Variants in SSBP2 observed in about 807,000 individuals in gnomAD.
SSBP2 encodes the protein single-stranded DNA-binding protein 2.
SSBP2 carries 17 observed loss-of-function variants against 61.8 expected under a neutral mutation model. That is an observed-to-expected ratio of 0.28 (90% CI 0.19 to 0.41). The LOEUF is 0.41. Among genes scored for constraint, SSBP2 ranks in the 10% least tolerant of loss-of-function variants. The pLI, the probability that SSBP2 is intolerant of heterozygous loss-of-function variation, is 1.00. For synonymous variants in SSBP2, 139 were observed against 141.3 expected, an observed-to-expected ratio of 0.98 and a Z score of 0.12; for missense variants, 310 against 458.7, an observed-to-expected ratio of 0.68 and a Z score of 2.96.
At chr5:81,461,234 C>G in intron 9 of SSBP2, 131 bp from the exon 10 acceptor site, 1 of 595,494 alleles carries the variant, frequency 1.7e-6, no homozygotes, top group Non-Finnish European at 2.6e-6. Context: ...TGAAATTACT[C>G]TCTTTATATT....
intron 1 of SSBP2, among the ~76,000 whole-genome samples, chr5:81,657,546 T>C (rs971699424): frequency 6.6e-6 from 1 of 152,030 alleles, no homozygotes; most frequent in Non-Finnish European, 1.5e-5. Flanking sequence ...GTCCAACAAG[T>C]AGGAATGGGG....
intron 6 of SSBP2, among the ~76,000 whole-genome samples, chr5:81,487,177 A>G (rs1323146311): frequency 6.6e-6 from 1 of 152,226 alleles, no homozygotes; most frequent in African/African-American, 2.4e-5. Flanking sequence ...TACAAACAAC[A>G]GAATTAGAGA....
intron 4 of SSBP2, among the ~76,000 whole-genome samples, chr5:81,584,794 CAA>C (rs1183923958): frequency 6.6e-6 from 1 of 152,010 alleles, no homozygotes; most frequent in Non-Finnish European, 1.5e-5. Flanking sequence ...AAATTCTACA[CAA>C]GATAAAAATT....
At chr5:81,457,204 T>C (rs1347364067) in intron 10 of SSBP2, among the ~76,000 whole-genome samples, 1 of 152,062 alleles carries the variant, frequency 6.6e-6, no homozygotes, top group Non-Finnish European at 1.5e-5. Context: ...AATGGGGACA[T>C]GTTAAAAGGT....
chr5:81,663,246 TA>T (rs759407190), intron 1 of SSBP2, among the ~76,000 whole-genome samples: 2 of 152,236 alleles, frequency 1.3e-5, no homozygotes, highest in Non-Finnish European at 2.9e-5. Flanking sequence ...TTTAATTACC[TA>T]TTAGCTCACA....
At chr5:81,625,699 A>G (rs1747075271) in intron 3 of SSBP2, among the ~76,000 whole-genome samples, 1 of 140,462 alleles carries the variant, frequency 7.1e-6, no homozygotes, top group African/African-American at 2.8e-5. Flanking sequence ...ATCTCCCTCT[A>G]TTCCTGAGAA....
chr5:81,595,990 T>G (rs1186871825), intron 4 of SSBP2, among the ~76,000 whole-genome samples: 1 of 151,228 alleles, frequency 6.6e-6, no homozygotes, highest in Non-Finnish European at 1.5e-5. Flanking sequence ...AACATAGTGT[T>G]GGATAGGCAG....
At chr5:81,683,646 A>C (rs1752565200) in intron 1 of SSBP2, among the ~76,000 whole-genome samples, 1 of 152,162 alleles carries the variant, frequency 6.6e-6, no homozygotes, top group Non-Finnish European at 1.5e-5. Context: ...ATTAAAATTA[A>C]AAACTGTGTG....
chr5:81,734,415 C>T (rs1436001837), intron 1 of SSBP2, among the ~76,000 whole-genome samples: 1 of 152,128 alleles, frequency 6.6e-6, no homozygotes, highest in East Asian at 1.9e-4. Context: ...GACACCAGGC[C>T]ACTACAACAC....
chr5:81,441,788 T>C (rs1165219219), intron 13 of SSBP2, among the ~76,000 whole-genome samples: 1 of 152,194 alleles, frequency 6.6e-6, no homozygotes, highest in Non-Finnish European at 1.5e-5. Flanking sequence ...ACTTGGAATA[T>C]GTATGCCTCA....
At chr5:81,437,631 C>A (rs1762754622) in intron 14 of SSBP2, 173 bp from the exon 15 acceptor site, 5 of 450,952 alleles carry the variant, frequency 1.1e-5, no homozygotes. Flanking sequence ...TGAATCAGTA[C>A]CATCTGATGG....
chr5:81,575,270 A>G (rs1387697485), intron 4 of SSBP2, among the ~76,000 whole-genome samples: 3 of 152,214 alleles, frequency 2.0e-5, no homozygotes, highest in Non-Finnish European at 4.4e-5. Context: ...TTCGTCTCAA[A>G]AAAACAAAAA....
chr5:81,749,146 A>G (rs1757543547), intron 1 of SSBP2, among the ~76,000 whole-genome samples: 1 of 152,256 alleles, frequency 6.6e-6, no homozygotes, highest in Non-Finnish European at 1.5e-5. Context: ...ATTAATGCAC[A>G]CAAATGAGAC....
At chr5:81,669,359 C>G (rs1476728869) in intron 1 of SSBP2, among the ~76,000 whole-genome samples, 1 of 152,166 alleles carries the variant, frequency 6.6e-6, no homozygotes, top group Non-Finnish European at 1.5e-5. Flanking sequence ...TATGTCCACA[C>G]AAAAACCTGC....
chr5:81,440,443 A>C, intron 14 of SSBP2, 115 bp downstream of exon 14: 4 of 748,922 alleles, frequency 5.3e-6, no homozygotes, highest in Middle Eastern at 2.5e-4. Flanking sequence ...TAAAAGTTGA[A>C]GTATTTAAAA....
chr5:81,643,166 C>T lies in SSBP2; in HGVS notation c.136-6548G>A, dbSNP rs562456734. Among the ~76,000 whole-genome samples, 4 of 152,158 alleles carry T rather than the reference C, an allele frequency of 2.6e-5. No homozygotes were observed. The South Asian group carries it at 6.2e-4, about 24-fold the overall frequency. On this transcript the variant is annotated intron_variant, in intron 2 of 16. Coordinates refer to ENST00000320672, the MANE Select transcript of SSBP2 (RefSeq NM_012446.5). ...CTGCCTCTGGCTCCAAAAGTGAAGC[C>T]GGGATAGCACGATTCTGGATGCCGG...
intron 2 of SSBP2, among the ~76,000 whole-genome samples, chr5:81,644,111 T>A (rs1381417921): frequency 6.6e-6 from 1 of 152,204 alleles, no homozygotes; most frequent in African/African-American, 2.4e-5. Flanking sequence ...TAGTCACACA[T>A]AATTAGTGGC....
At chr5:81,743,123 A>AT (rs1311054507) in intron 1 of SSBP2, among the ~76,000 whole-genome samples, 1 of 152,206 alleles carries the variant, frequency 6.6e-6, no homozygotes, top group African/African-American at 2.4e-5. Flanking sequence ...AAGATAAAAG[A>AT]TATCAATCCT....
At chr5:81,441,046 G>C (rs976314477) in intron 13 of SSBP2, among the ~76,000 whole-genome samples, 3 of 152,144 alleles carry the variant, frequency 2.0e-5, no homozygotes, top group African/African-American at 7.2e-5. Flanking sequence ...ATGTCATTAT[G>C]ACAACATTAA....
Sources: gnomAD v4.1 joint callset for allele counts (sites outside exome capture counted in the v4.1 genomes callset) on GRCh38, gnomAD v4.1.1 for gene constraint, MANE v1.5 for transcripts, NCBI Gene and HGNC (gene_info 2026-07-23, HGNC 2026-07-21) for gene names.